ZNF75A: variants seen among roughly 807,000 people sequenced by gnomAD.
ZNF75A encodes the protein zinc finger protein 75A.
In ZNF75A, 36 loss-of-function variants were observed where a neutral mutation model predicts 46.3. The ratio of observed to expected loss-of-function variants is 0.78; its 90% CI spans 0.60 to 1.03. The LOEUF (loss-of-function observed/expected upper bound fraction) is 1.03, where lower values mean the gene tolerates loss of function less well. Among genes scored for constraint, ZNF75A ranks in the 50% least tolerant of loss-of-function variants. The probability of loss-of-function intolerance (pLI) is 0.00; values close to 1 mark genes in which losing one functional copy is unlikely to be tolerated. For synonymous variants in ZNF75A, 234 were observed against 189.9 expected (o/e 1.23, Z -1.91); for missense variants, 595 against 551.3 (o/e 1.08, Z -0.79).
intron 1 of ZNF75A, chr16:3,306,383 C>T (rs934690729): frequency 6.6e-6 from 1 of 152,110 alleles, no homozygotes; most frequent in East Asian, 1.9e-4. Flanking sequence ...AAACAGAGGT[C>T]AGCTGTAATT....
intron 1 of ZNF75A, chr16:3,307,025 C>G (rs1960325392): frequency 6.6e-6 from 1 of 151,084 alleles, no homozygotes; most frequent in African/African-American, 2.4e-5. Flanking sequence ...AGTCTGAGCT[C>G]ACTGCAGCCT....
Position 3,318,542 on chromosome 16 carries a change from G to T in ZNF75A, c.*673G>T, listed in dbSNP as rs1453036967. 4.1e-6 allele frequency: 4 copies of T among 985,258 alleles called. No individual in the cohort carries two copies. The highest frequency in any genetic ancestry group is 3.6e-6 in the Non-Finnish European group (3 of 829,914). The allele number at this position is 985,258 out of a possible 1,614,324, so 61.0% of individuals were successfully genotyped here. On this transcript the variant is annotated 3_prime_UTR_variant, in exon 7 of 7. Coordinates refer to ENST00000669516, the MANE Select transcript of ZNF75A (RefSeq NM_001302109.2). The stretch of plus-strand genomic sequence containing the variant: ...CCATGGAATATATATTAGATGTAAA[G>T]AATTTTCTGCAATAAAAGAAACTAG...
intron 2 of ZNF75A, 103 bp from the exon 3 acceptor site, chr16:3,311,650 G>C (rs186631535): frequency 2.0e-6 from 1 of 499,750 alleles, no homozygotes; most frequent in South Asian, 8.5e-5. Flanking sequence ...TTTTTTTAGT[G>C]TCTTATACTA....
In ZNF75A at chr16:3,318,061, A is replaced by G. The variant is rs1270967326; in HGVS notation, c.*192A>G. ...GTAGTCTTCTGTGGTCACAGAAGTA[A>G]ACATTGTTGGCTTTGTATTGATCTC... On this transcript the variant is annotated 3_prime_UTR_variant, in exon 7 of 7. Transcript: ENST00000669516. 8 of 1,383,406 alleles carry G rather than the reference A, an allele frequency of 5.8e-6. No individual in the cohort carries two copies. Among genetic ancestry groups the G allele is most frequent in the Non-Finnish European group, 7.4e-6 (8 of 1,074,218 alleles). The allele number at this position is 1,383,406 out of a possible 1,614,324, so 85.7% of individuals were successfully genotyped here.
In ZNF75A at chr16:3,311,819, G is replaced by T. The variant is rs567230881; in HGVS notation, c.475G>T (p.Gly159Trp). Residue 159 changes from glycine to tryptophan, a missense_variant, in exon 3 of 7, where the codon GGG (glycine) becomes TGG (tryptophan). Gly to Trp is a radical substitution (Grantham distance 184, BLOSUM62 -2). Coordinates refer to ENST00000669516, the MANE Select transcript of ZNF75A (RefSeq NM_001302109.2). The part of the protein sequence containing the change: ...LGETAEASSF[G>W]LKPTESQPVG... ...AGAAACAGCAGAGGCCTCAAGTTTC[G>T]GGCTGAAGCCAACAGAGTCCCAACC... 1 of 1,048,722 alleles carries T rather than the reference G, an allele frequency of 9.5e-7. No homozygotes were observed. Among genetic ancestry groups the T allele is most frequent in the East Asian group, 7.9e-5 (1 of 12,702 alleles). 65.0% of individuals were successfully genotyped at this position (1,048,722 alleles called of 1,614,324 possible).
chr16:3,314,884 C>G, intron 5 of ZNF75A: 1 of 985,370 alleles, frequency 1.0e-6, no homozygotes, highest in Non-Finnish European at 1.2e-6. Flanking sequence ...TAAAGATTCT[C>G]CCTTCTTTTT....
intron 6 of ZNF75A, 22 bp downstream of exon 6, chr16:3,317,044 G>T (rs771010763): frequency 6.3e-7 from 1 of 1,598,232 alleles, no homozygotes; most frequent in Admixed American, 1.7e-5. Flanking sequence ...ATGGGAAGTG[G>T]AGAAATGTGC....
chr16:3,323,289 A>G (rs2030011381), downstream of ZNF75A: 2 of 888,376 alleles, frequency 2.3e-6, no homozygotes, highest in Admixed American at 3.4e-5. Flanking sequence ...ATGATGGACC[A>G]CTGAGAGGTG....
In ZNF75A at chr16:3,314,755, A is replaced by G. The variant is rs544811195; in HGVS notation, c.823+1580A>G. 3 of 985,382 alleles carry G rather than the reference A, an allele frequency of 3.0e-6. No homozygotes were observed. In the East Asian group the frequency reaches 3.4e-4, roughly 112 times the overall value. The allele number at this position is 985,382 out of a possible 1,614,324, so 61.0% of individuals were successfully genotyped here. A position where few individuals can be genotyped will look rare whatever the true frequency, so the allele number is the denominator to read the frequency against. ...CCATTCTCTTCTTTAGAGCTTGTTG[A>G]CATTTGAAGAAGTGGCCATATATTT... is the stretch of plus-strand genomic sequence containing the variant. On this transcript the variant is annotated intron_variant, in intron 5 of 6. Transcript: ENST00000669516.
chr16:3,313,797 G>T (rs1960991164), intron 5 of ZNF75A, among the ~76,000 whole-genome samples: 1 of 152,084 alleles, frequency 6.6e-6, no homozygotes, highest in Non-Finnish European at 1.5e-5. Flanking sequence ...AGAAAAAAAA[G>T]TCTGATATTA....
chr16:3,307,468 A>G (rs1960377596), intron 1 of ZNF75A: 1 of 152,196 alleles, frequency 6.6e-6, no homozygotes, highest in Non-Finnish European at 1.5e-5. Context: ...CTCTTTTGCC[A>G]GTATTCCTAC....
In ZNF75A at chr16:3,308,747, C is replaced by T; in HGVS notation, c.319C>T (p.Gln107Ter). The T allele has an allele frequency of 2.0e-6, 2 of 988,912 alleles. No individual in the cohort carries two copies. The highest frequency in any genetic ancestry group is 2.4e-6 in the Non-Finnish European group (2 of 831,204). The allele number at this position is 988,912 out of a possible 1,614,324, so 61.3% of individuals were successfully genotyped here. A position where few individuals can be genotyped will look rare whatever the true frequency, so the allele number is the denominator to read the frequency against. ...TATTCTGCCCAGGGAGACACAGACC[C>T]AGATGCAGAAGCACCATCCACAGAG... is the stretch of plus-strand genomic sequence containing the variant. Reference protein sequence around the residue: ...LTILPRETQTQMQKHHPQSIE... With the variant: ...LTILPRETQT Residue 107 changes from glutamine to a stop codon, truncating the protein, a stop_gained, in exon 2 of 7, where the codon CAG (glutamine) becomes TAG (stop). Coordinates refer to ENST00000669516, the MANE Select transcript of ZNF75A (RefSeq NM_001302109.2). LOFTEE classifies it high-confidence loss of function.
rs931129370 is a variant in ZNF75A, at chr16:3,312,673, A to C, written c.605-4A>C. ...GATTTCTTCTGGCTCTTTTCCCCCC[A>C]CAGCTGTGCCTACTCAACAGATTCT... On this transcript the variant is annotated splice_region_variant and splice_polypyrimidine_tract_variant and intron_variant, in intron 3 of 6. Coordinates refer to ENST00000669516, the MANE Select transcript of ZNF75A (RefSeq NM_001302109.2). 3.4e-5 allele frequency: 34 copies of C among 1,002,568 alleles called. No homozygotes were observed. The highest frequency in any genetic ancestry group is 1.1e-4 in the Admixed American group (2 of 18,816). The allele number at this position is 1,002,568 out of a possible 1,614,324, so 62.1% of individuals were successfully genotyped here. A position where few individuals can be genotyped will look rare whatever the true frequency, so the allele number is the denominator to read the frequency against.
At position 3,311,910 on chromosome 16, in the gene ZNF75A, G is replaced by A. The variant is rs182028573; in HGVS notation, c.566G>A (p.Arg189Lys). 2.0e-6 allele frequency: 2 copies of A among 989,858 alleles called. No homozygotes were observed. The highest frequency in any genetic ancestry group is 2.2e-4 in the East Asian group (2 of 9,052). 61.3% of individuals were successfully genotyped at this position (989,858 alleles called of 1,614,324 possible). A position where few individuals can be genotyped will look rare whatever the true frequency, so the allele number is the denominator to read the frequency against. The change falls in exon 3 of 7, where the codon AGG (arginine) becomes AAG (lysine). Residue 189 changes from arginine to lysine, a missense_variant. By Grantham distance (26) the Arg-to-Lys change is conservative. Coordinates refer to ENST00000669516, the MANE Select transcript of ZNF75A (RefSeq NM_001302109.2). Reference sequence around the variant, plus strand: ...GAGGGTCTGCAAGAACAGCTCAGCAGGAATACTCATAAAGAGACTGAGCCT... The same window carrying A: ...GAGGGTCTGCAAGAACAGCTCAGCAAGAATACTCATAAAGAGACTGAGCCT... ...TYEGLQEQLS[R>K]NTHKETEPVY...
chr16:3,318,886 C>T, downstream of ZNF75A: 1 of 960,106 alleles, frequency 1.0e-6, no homozygotes, highest in Non-Finnish European at 1.2e-6. Flanking sequence ...AAATCTACAT[C>T]CATGTTGTTC....
chr16:3,318,395 C>T lies in ZNF75A; in HGVS notation c.*526C>T, dbSNP rs1235700048. The stretch of plus-strand genomic sequence containing the variant: ...TTTTACTGTGATGAAATCTTGTTAA[C>T]CACCACTAGGGAATCTCCAGATGAA... On this transcript the variant is annotated 3_prime_UTR_variant, in exon 7 of 7. Coordinates refer to ENST00000669516, the MANE Select transcript of ZNF75A (RefSeq NM_001302109.2). 1 of 987,138 alleles carries T rather than the reference C, an allele frequency of 1.0e-6. No homozygotes were observed. Among genetic ancestry groups the T allele is most frequent in the Non-Finnish European group, 1.2e-6 (1 of 831,266 alleles). 61.1% of individuals were successfully genotyped at this position (987,138 alleles called of 1,614,324 possible).
chr16:3,310,017 C>T (rs1379601904), intron 2 of ZNF75A, among the ~76,000 whole-genome samples: 1 of 151,770 alleles, frequency 6.6e-6, no homozygotes, highest in African/African-American at 2.4e-5. Context: ...ATTGCTTGAC[C>T]CAGAAGTTTG....
downstream of ZNF75A, among the ~76,000 whole-genome samples, chr16:3,320,303 C>G (rs927707647): frequency 6.6e-5 from 10 of 152,354 alleles, no homozygotes; most frequent in Admixed American, 6.5e-4. Flanking sequence ...CTCGGCCTCC[C>G]AAAGTGCCGG....
chr16:3,317,299 C>T lies in ZNF75A; in HGVS notation c.1044C>T (p.Pro348=). The T allele has an allele frequency of 1.2e-6, 2 of 1,613,782 alleles. No individual in the cohort carries two copies. The highest frequency in any genetic ancestry group is 8.5e-7 in the Non-Finnish European group (1 of 1,179,984). ...VISKKAKVKV[P]QKTAGKENHF... The stretch of plus-strand genomic sequence containing the variant: ...CAAAAAAGGCCAAAGTAAAAGTTCC[C>T]CAGAAAACAGCAGGCAAAGAAAATC... The change falls in exon 7 of 7, where the codon CCC becomes CCT. Residue 348 remains proline (P), a synonymous_variant. Transcript: ENST00000669516.
Sources: allele counts gnomAD v4.1 joint callset (sites outside exome capture counted in the v4.1 genomes callset), GRCh38; gene constraint gnomAD v4.1.1; transcripts MANE v1.5; gene names NCBI Gene and HGNC (gene_info 2026-07-23, HGNC 2026-07-21).